The following PLB1 variants were observed in gnomAD, a reference collection of about 807,000 sequenced individuals.
PLB1 encodes phospholipase B1, membrane-associated.
A neutral mutation model predicts 227.4 loss-of-function variants in PLB1; 242 were observed. That is an observed-to-expected ratio of 1.06 (90% CI 0.96 to 1.18). The LOEUF is 1.18. Among genes scored for constraint, PLB1 ranks in the 50% most tolerant of loss-of-function variants. The probability of loss-of-function intolerance (pLI) is 0.00; values close to 1 mark genes in which losing one functional copy is unlikely to be tolerated. For synonymous variants in PLB1, 757 were observed against 682.2 expected (o/e 1.11, Z -1.71); for missense variants, 1,858 against 1,816.3 (o/e 1.02, Z -0.42).
intron 35 of PLB1, among the ~76,000 whole-genome samples, chr2:28,600,396 C>A (rs540101234): frequency 6.6e-6 from 1 of 152,278 alleles, no homozygotes; most frequent in Non-Finnish European, 1.5e-5. Context: ...TATGTTTGAG[C>A]ATCAAACTCA....
chr2:28,589,647 T>C, intron 27 of PLB1, 28 bp from the exon 28 acceptor site: 2 of 1,611,100 alleles, frequency 1.2e-6, no homozygotes, highest in African/African-American at 1.3e-5. Flanking sequence ...TGTCTATAAC[T>C]GCCTCTCTTT....
Position 28,532,144 on chromosome 2 carries a change from G to GTGT in PLB1, c.507_509dup (p.Val169_Phe170insLeu). 6.2e-7 allele frequency: 1 copy of GTGT among 1,612,776 alleles called. No individual in the cohort carries two copies. The highest frequency in any genetic ancestry group is 8.5e-7 in the Non-Finnish European group (1 of 1,179,502). ...TCAATTTGACTGGAAGCTCATCAAT[G>GTGT]TGTTCTTCAGTAATGCAAGCCAGTG... On this transcript the variant is annotated inframe_insertion, in exon 9 of 58. Transcript: ENST00000327757.
chr2:28,564,439 G>A (rs1438466263), intron 18 of PLB1, among the ~76,000 whole-genome samples: 3 of 152,112 alleles, frequency 2.0e-5, no homozygotes, highest in Non-Finnish European at 4.4e-5. Context: ...AACCTCCCAG[G>A]AAGGACTGGC....
rs373089343 is a variant in PLB1 at position 28,587,812 on chromosome 2, C to T, written c.1816-1638C>T. Among the ~76,000 whole-genome samples the T allele has an allele frequency of 1.3e-4, 20 of 152,284 alleles. No homozygotes were observed. In the South Asian group the frequency reaches 3.5e-3, roughly 27 times the overall value. On this transcript the variant is annotated intron_variant, in intron 26 of 57. Coordinates refer to ENST00000327757, the MANE Select transcript of PLB1 (RefSeq NM_153021.5). ...CTGCAAGAGCGGTTAGGAAAGCAGG[C>T]GTTCTCTCATCTTTTTTAGTCTCCA...
chr2:28,582,350 A>G, intron 24 of PLB1, 55 bp from the exon 25 acceptor site: 1 of 1,501,582 alleles, frequency 6.7e-7, no homozygotes, highest in Non-Finnish European at 9.2e-7. Flanking sequence ...CCCCAAACCG[A>G]GGTGAAAGGC....
intron 23 of PLB1, among the ~76,000 whole-genome samples, chr2:28,581,689 C>A (rs901852629): frequency 6.6e-5 from 10 of 151,962 alleles, no homozygotes; most frequent in Admixed American, 4.6e-4. Flanking sequence ...GGACTCTGGC[C>A]AGGTGCGGTG....
intron 50 of PLB1, 41 bp from the exon 51 acceptor site, chr2:28,626,387 C>T (rs2148333633): frequency 6.4e-7 from 1 of 1,563,892 alleles, no homozygotes. Context: ...TTGTATGTGC[C>T]TCCCACCAAG....
intron 51 of PLB1, among the ~76,000 whole-genome samples, chr2:28,626,901 G>A (rs1050067144): frequency 6.6e-6 from 1 of 152,156 alleles, no homozygotes; most frequent in Non-Finnish European, 1.5e-5. Flanking sequence ...GGGTTGGATG[G>A]GTCATCACGA....
At chr2:28,527,102 G>T (rs1222899268) in intron 6 of PLB1, among the ~76,000 whole-genome samples, 1 of 152,186 alleles carries the variant, frequency 6.6e-6, no homozygotes, top group Non-Finnish European at 1.5e-5. Flanking sequence ...CGGCTTGTTT[G>T]GGGGGTGTCT....
At chr2:28,587,217 C>A (rs1681049266) in intron 26 of PLB1, among the ~76,000 whole-genome samples, 1 of 152,196 alleles carries the variant, frequency 6.6e-6, no homozygotes, top group South Asian at 2.1e-4. Context: ...CTAATTTAAG[C>A]AGATTTAATA....
intron 32 of PLB1, 96 bp from the exon 33 acceptor site, chr2:28,593,585 G>A (rs974840931): frequency 1.0e-5 from 10 of 988,416 alleles, no homozygotes; most frequent in African/African-American, 1.6e-5. Context: ...CACCACGAGT[G>A]CATTGGGAAC....
At chr2:28,602,648 T>G (rs990283105) in intron 38 of PLB1, among the ~76,000 whole-genome samples, 173 bp from the exon 39 acceptor site, 5 of 152,192 alleles carry the variant, frequency 3.3e-5, no homozygotes, top group African/African-American at 1.2e-4. Context: ...CATGGAGTTG[T>G]GTGATGTACG....
intron 1 of PLB1, among the ~76,000 whole-genome samples, chr2:28,508,482 C>T (rs923292242): frequency 6.6e-6 from 1 of 152,204 alleles, no homozygotes; most frequent in Non-Finnish European, 1.5e-5. Context: ...CCAGGCATGA[C>T]TCATGGTTTT....
At chr2:28,546,470 G>A (rs933665079) in intron 14 of PLB1, among the ~76,000 whole-genome samples, 10 of 152,178 alleles carry the variant, frequency 6.6e-5, no homozygotes, top group African/African-American at 1.9e-4. Context: ...TTCATTCCTC[G>A]GTGGCAGGAA....
At chr2:28,629,250 A>G (rs1029231226) in intron 53 of PLB1, 65 bp downstream of exon 53, 6 of 1,486,284 alleles carry the variant, frequency 4.0e-6, no homozygotes, top group Non-Finnish European at 4.6e-6. Flanking sequence ...GCAGGTGCCA[A>G]AGGAGGAGAC....
intron 51 of PLB1, among the ~76,000 whole-genome samples, chr2:28,627,615 C>T (rs1687985918): frequency 1.3e-5 from 2 of 152,216 alleles, no homozygotes; most frequent in South Asian, 4.1e-4. Context: ...GTTCCTTTCC[C>T]CTTCTTCCCA....
At position 28,598,650 on chromosome 2, in the gene PLB1, A is replaced by G. The variant is rs1683368248; in HGVS notation, c.2366-2A>G. The G allele has an allele frequency of 5.0e-6, 8 of 1,611,774 alleles. No homozygotes were observed. In the Admixed American group the frequency reaches 1.2e-4, roughly 24 times the overall value. ...CTGCATCCCATTCACCTTCTCTTCC[A>G]GATATCCTTCGGGAGTTTAACAGAA... On this transcript the variant is annotated splice_acceptor_variant, in intron 34 of 57. Transcript: ENST00000327757. LOFTEE classifies it high-confidence loss of function.
intron 43 of PLB1, among the ~76,000 whole-genome samples, chr2:28,612,609 CTTTTTTTT>C (rs34185578): frequency 6.8e-4 from 94 of 137,452 alleles, no homozygotes; most frequent in Non-Finnish European, 1.2e-3. Context: ...CTGGTTTTCC[CTTTTTTTT>C]TTTTTTTTTG....
rs531809743 is a variant in PLB1 at position 28,606,523 on chromosome 2, A to G, written c.3085A>G (p.Thr1029Ala). Reference sequence around the variant, plus strand: ...TGAACCACTTGGAAGCAAAACAGAGACCCTGGACCTGAGAGCAGAGATGCC... The same window carrying G: ...TGAACCACTTGGAAGCAAAACAGAGGCCCTGGACCTGAGAGCAGAGATGCC... ...MLEPLGSKTE[T>A]LDLRAEMPIT... The change falls in exon 43 of 58, where the codon ACC (threonine) becomes GCC (alanine). Residue 1029 changes from threonine to alanine, a missense_variant. Physicochemically the swap from Thr to Ala is moderately conservative, Grantham distance 58. Coordinates refer to ENST00000327757, the MANE Select transcript of PLB1 (RefSeq NM_153021.5). The G allele has an allele frequency of 1.5e-5, 24 of 1,613,926 alleles. No individual in the cohort carries two copies. The African/African-American group carries it at 2.7e-4, about 18-fold the overall frequency.
Sources: gnomAD v4.1 joint callset for allele counts (sites outside exome capture counted in the v4.1 genomes callset) on GRCh38, gnomAD v4.1.1 for gene constraint, MANE v1.5 for transcripts, NCBI Gene and HGNC (gene_info 2026-07-23, HGNC 2026-07-21) for gene names.